Variants in MACROD2 observed in about 807,000 individuals in gnomAD.
MACROD2 encodes the protein ADP-ribose glycohydrolase MACROD2.
In MACROD2, 36 loss-of-function variants were observed where a neutral mutation model predicts 70.4. The observed-to-expected ratio is 0.51, with a 90% CI of 0.39 to 0.68. The LOEUF is 0.68. Ranked by LOEUF, MACROD2 falls within the 30% of genes least tolerant of loss-of-function variation. The probability of loss-of-function intolerance (pLI) is 0.00; values close to 1 mark genes in which losing one functional copy is unlikely to be tolerated. For missense variants in MACROD2, 496 were observed against 538.4 expected, an observed-to-expected ratio of 0.92 and a Z score of 0.78; for synonymous variants, 172 against 178.8, an observed-to-expected ratio of 0.96 and a Z score of 0.30.
intron 5 of MACROD2, among the ~76,000 whole-genome samples, chr20:14,774,751 A>G (rs1236709160): frequency 6.6e-6 from 1 of 152,144 alleles, no homozygotes; most frequent in African/African-American, 2.4e-5. Flanking sequence ...CAGGCTACAC[A>G]TATGATAAAA....
At chr20:15,900,863 T>C (rs373116720) in intron 10 of MACROD2, among the ~76,000 whole-genome samples, 6 of 152,140 alleles carry the variant, frequency 3.9e-5, no homozygotes, top group Non-Finnish European at 4.4e-5. Flanking sequence ...AGTTTCTTCA[T>C]ACATTAAATG....
chr20:14,846,012 T>A (rs1020366316), intron 5 of MACROD2, among the ~76,000 whole-genome samples: 2 of 152,148 alleles, frequency 1.3e-5, no homozygotes, highest in Non-Finnish European at 2.9e-5. Context: ...GAGTATTTTT[T>A]TAATTTATCC....
chr20:15,278,531 G>A (rs371475077), intron 6 of MACROD2, among the ~76,000 whole-genome samples: 95 of 152,260 alleles, frequency 6.2e-4, no homozygotes, highest in African/African-American at 2.2e-3. Flanking sequence ...CTAGTCTCAG[G>A]TGTCTTCCAA....
chr20:15,978,286 C>T (rs1159172407), intron 13 of MACROD2, among the ~76,000 whole-genome samples: 1 of 152,202 alleles, frequency 6.6e-6, no homozygotes, highest in African/African-American at 2.4e-5. Context: ...GAATATTCTG[C>T]AGCTGCATTC....
intron 6 of MACROD2, among the ~76,000 whole-genome samples, chr20:15,247,395 A>T (rs900457260): frequency 6.6e-6 from 1 of 152,152 alleles, no homozygotes. Context: ...ATGTTGGGTA[A>T]TTGGGGGTGT....
At chr20:14,180,412 C>T (rs2081296469) in intron 3 of MACROD2, among the ~76,000 whole-genome samples, 1 of 152,090 alleles carries the variant, frequency 6.6e-6, no homozygotes, top group South Asian at 2.1e-4. Flanking sequence ...TGAGATATTA[C>T]TCCCAAACTG....
chr20:14,903,195 C>T (rs1250656868), intron 5 of MACROD2, among the ~76,000 whole-genome samples: 1 of 151,968 alleles, frequency 6.6e-6, no homozygotes, highest in Non-Finnish European at 1.5e-5. Flanking sequence ...GTGCCTGCCA[C>T]CATGCCCAGC....
intron 6 of MACROD2, among the ~76,000 whole-genome samples, chr20:15,350,072 T>C (rs2078211022): frequency 6.6e-6 from 1 of 152,158 alleles, no homozygotes; most frequent in African/African-American, 2.4e-5. Context: ...CAAAAATGCA[T>C]GTGAAGAAAA....
chr20:15,191,426 T>G (rs772201416), intron 5 of MACROD2, among the ~76,000 whole-genome samples: 3 of 152,218 alleles, frequency 2.0e-5, no homozygotes, highest in Non-Finnish European at 4.4e-5. Flanking sequence ...AGTTCACCTC[T>G]TGACTGCAGT....
At chr20:15,766,855 C>A (rs564512574) in intron 8 of MACROD2, among the ~76,000 whole-genome samples, 1 of 152,188 alleles carries the variant, frequency 6.6e-6, no homozygotes, top group Non-Finnish European at 1.5e-5. Flanking sequence ...TCTCTCCATG[C>A]GGGGTCTCTA....
chr20:15,988,751 A>T (rs1482423277), intron 15 of MACROD2, among the ~76,000 whole-genome samples: 1 of 152,176 alleles, frequency 6.6e-6, no homozygotes, highest in Non-Finnish European at 1.5e-5. Context: ...TTTTCACTGT[A>T]AGATGACTAA....
intron 6 of MACROD2, among the ~76,000 whole-genome samples, chr20:15,391,161 CAA>C (rs1568770956): frequency 6.6e-6 from 1 of 152,172 alleles, no homozygotes. Context: ...TGGAGCAGCT[CAA>C]AGACTCCTGC....
chr20:14,863,450 C>T (rs2073394203), intron 5 of MACROD2, among the ~76,000 whole-genome samples: 1 of 152,076 alleles, frequency 6.6e-6, no homozygotes, highest in Non-Finnish European at 1.5e-5. Flanking sequence ...TATTTTATAT[C>T]AAATGCTTCT....
chr20:15,503,735 T>C (rs1341403751), intron 8 of MACROD2, among the ~76,000 whole-genome samples: 1 of 152,214 alleles, frequency 6.6e-6, no homozygotes, highest in Non-Finnish European at 1.5e-5. Flanking sequence ...GGCCCCATCA[T>C]GACTGTGTCT....
chr20:16,009,463 A>G (rs1403745884), intron 15 of MACROD2, among the ~76,000 whole-genome samples: 1 of 152,156 alleles, frequency 6.6e-6, no homozygotes, highest in Non-Finnish European at 1.5e-5. Flanking sequence ...GCTGAGATCA[A>G]AGCATAAGAG....
At chr20:15,121,272 G>A (rs138443271) in intron 5 of MACROD2, among the ~76,000 whole-genome samples, 180 of 152,240 alleles carry the variant, frequency 1.2e-3, no homozygotes, top group African/African-American at 3.7e-3. Flanking sequence ...AGCACTTTGG[G>A]AAGCCAAGGC....
At position 15,288,853 on chromosome 20, in the gene MACROD2, A is replaced by ATGTC. The variant is rs765126995; in HGVS notation, c.540+58806_540+58809dup. Among the ~76,000 whole-genome samples, 326 of 136,674 alleles carry ATGTC rather than the reference A, an allele frequency of 2.4e-3. 1 individual carries two copies. Among genetic ancestry groups the ATGTC allele is most frequent in the African/African-American group, 4.2e-3 (155 of 36,616 alleles). 89.7% of individuals were successfully genotyped at this position (136,674 alleles called of 152,430 possible). On this transcript the variant is annotated intron_variant, in intron 6 of 17. Transcript: ENST00000684519. ...ATAAATCTCCTCTCTGTCTCTCTAT[A>ATGTC]TGTCTGTCTGTCTGTCTATCTATCT... is the stretch of plus-strand genomic sequence containing the variant.
At chr20:14,679,960 T>A (rs528045594) in intron 4 of MACROD2, among the ~76,000 whole-genome samples, 121 of 152,254 alleles carry the variant, frequency 7.9e-4, no homozygotes, top group Non-Finnish European at 1.5e-3. Flanking sequence ...ATAAGAGAGA[T>A]TCTATTTGTG....
chr20:16,019,528 G>C (rs1009675034), intron 15 of MACROD2, among the ~76,000 whole-genome samples: 12 of 152,172 alleles, frequency 7.9e-5, no homozygotes, highest in Non-Finnish European at 1.2e-4. Context: ...ATATTCCATG[G>C]GAGTTCTGAG....
Sources: gnomAD v4.1 joint callset for allele counts (sites outside exome capture counted in the v4.1 genomes callset) on GRCh38, gnomAD v4.1.1 for gene constraint, MANE v1.5 for transcripts, NCBI Gene and HGNC (gene_info 2026-07-23, HGNC 2026-07-21) for gene names.